Variants in LRRD1 observed in about 807,000 individuals in gnomAD.
LRRD1 encodes leucine-rich repeat and death domain-containing protein 1.
LRRD1 carries 49 observed loss-of-function variants against 69.5 expected under a neutral mutation model. That is an observed-to-expected ratio of 0.70 (90% CI 0.56 to 0.89). The LOEUF (loss-of-function observed/expected upper bound fraction) is 0.89. Ranked by LOEUF, LRRD1 falls within the 40% of genes least tolerant of loss-of-function variation. LRRD1 has a pLI of 0.00. For missense variants in LRRD1, 853 were observed against 956.0 expected, an observed-to-expected ratio of 0.89 and a Z score of 1.42; for synonymous variants, 303 against 338.9, an observed-to-expected ratio of 0.89 and a Z score of 1.16.
At chr7:92,172,272 A>C (rs1789073460) in intron 1 of LRRD1, among the ~76,000 whole-genome samples, 1 of 152,256 alleles carries the variant, frequency 6.6e-6, no homozygotes, top group Admixed American at 6.5e-5. Context: ...ATTTCCTCTA[A>C]GATCTGGAAC....
At chr7:92,171,973 A>G (rs1188985284) in intron 1 of LRRD1, among the ~76,000 whole-genome samples, 1 of 152,206 alleles carries the variant, frequency 6.6e-6, no homozygotes, top group Non-Finnish European at 1.5e-5. Flanking sequence ...TCAACATCCC[A>G]AATTAGCTGG....
In LRRD1 at chr7:92,159,183, C is replaced by T; in HGVS notation, c.1938G>A (p.Glu646=). 6.6e-7 allele frequency: 1 copy of T among 1,516,066 alleles called. No individual in the cohort carries two copies. The highest frequency in any genetic ancestry group is 8.8e-7 in the Non-Finnish European group (1 of 1,133,968). The allele number at this position is 1,516,066 out of a possible 1,614,324, so 93.9% of individuals were successfully genotyped here. ...KGRKLTRLPG[E]LSNMTQLKEL... ...CTTTAAGTTGAGTCATATTAGATAGCTCTCCTGGAAGTCTTGTTAGCTGTA... is the reference window on the plus strand; with the variant it reads ...CTTTAAGTTGAGTCATATTAGATAGTTCTCCTGGAAGTCTTGTTAGCTGTA... The change falls in exon 3 of 6, where the codon GAG becomes GAA. Residue 646 remains glutamate, a synonymous_variant. Coordinates refer to ENST00000458448, the MANE Select transcript of LRRD1 (RefSeq NM_001161528.2).
rs373219781 is a variant in LRRD1, at chr7:92,146,413, T to C, written c.2279-213A>G. ...CAGGTGGATCACCTGAGATCAGGAG[T>C]TCAAGACCAGCCTGGCCAACATGCA... On this transcript the variant is annotated intron_variant, in intron 4 of 5. Transcript: ENST00000458448. Among the ~76,000 whole-genome samples the C allele has an allele frequency of 2.0e-4, 30 of 148,234 alleles. No individual in the cohort carries two copies. In the East Asian group the frequency reaches 4.5e-3, roughly 22 times the overall value.
intron 2 of LRRD1, among the ~76,000 whole-genome samples, chr7:92,162,411 A>G (rs1416643325): frequency 6.6e-6 from 1 of 152,088 alleles, no homozygotes; most frequent in Non-Finnish European, 1.5e-5. Flanking sequence ...TAGGGCTTTT[A>G]GGAGTAGACT....
intron 1 of LRRD1, among the ~76,000 whole-genome samples, chr7:92,168,139 C>A (rs1451402920): frequency 6.6e-6 from 1 of 152,084 alleles, no homozygotes; most frequent in African/African-American, 2.4e-5. Context: ...TGAAAAAATT[C>A]TAAGCAGACA....
At chr7:92,148,536 T>G (rs1445791314) in intron 4 of LRRD1, among the ~76,000 whole-genome samples, 1 of 152,194 alleles carries the variant, frequency 6.6e-6, no homozygotes, top group Non-Finnish European at 1.5e-5. Flanking sequence ...AGGCTCCATT[T>G]GTTAATTGCA....
Position 92,163,425 on chromosome 7 carries a change from T to C in LRRD1, c.1778A>G (p.Lys593Arg). 6.5e-7 allele frequency: 1 copy of C among 1,546,810 alleles called. No individual in the cohort carries two copies. The highest frequency in any genetic ancestry group is 8.7e-7 in the Non-Finnish European group (1 of 1,145,660). ...VLDLSENQLQ[K>R]ISSDICNLKG... The stretch of plus-strand genomic sequence containing the variant: ...TAAATTACAGATGTCTGAAGAGATT[T>C]TCTGTAATTGGTTTTCCGAAAGATC... Residue 593 changes from lysine to arginine, a missense_variant, in exon 2 of 6, where the codon AAA (lysine) becomes AGA (arginine). By Grantham distance (26) the Lys-to-Arg change is conservative. Transcript: ENST00000458448.
chr7:92,168,627 A>G lies in LRRD1; in HGVS notation c.-74-3351T>C, dbSNP rs541090074. Among the ~76,000 whole-genome samples, 12 of 151,262 alleles carry G rather than the reference A, an allele frequency of 7.9e-5. No individual in the cohort carries two copies. In the East Asian group the frequency reaches 2.4e-3, roughly 30 times the overall value. On this transcript the variant is annotated intron_variant, in intron 1 of 5. Coordinates refer to ENST00000458448, the MANE Select transcript of LRRD1 (RefSeq NM_001161528.2). Reference sequence around the variant, plus strand: ...GGCAAACCTAGGCTTAAGGTTCTATATAGTGCTGCAAAGGATGTAATGACT... The same window carrying G: ...GGCAAACCTAGGCTTAAGGTTCTATGTAGTGCTGCAAAGGATGTAATGACT...
downstream of LRRD1, among the ~76,000 whole-genome samples, chr7:92,143,839 C>A (rs1820240832): frequency 6.6e-6 from 1 of 152,234 alleles, no homozygotes; most frequent in Non-Finnish European, 1.5e-5. Context: ...AGAGGAGGCG[C>A]CGAGAGCGAG....
chr7:92,178,846 T>G (rs565214790), intron 1 of LRRD1, 161 bp downstream of exon 1: 2 of 152,332 alleles, frequency 1.3e-5, no homozygotes, highest in African/African-American at 2.4e-5. Flanking sequence ...TTTCATGTCT[T>G]GCAGCATCAA....
chr7:92,165,920 C>T (rs1788899107), intron 1 of LRRD1, among the ~76,000 whole-genome samples: 1 of 148,882 alleles, frequency 6.7e-6, no homozygotes, highest in African/African-American at 2.5e-5. Flanking sequence ...CCTACCATGA[C>T]AGGTAAAGAG....
chr7:92,177,419 T>C (rs1789222176), intron 1 of LRRD1, among the ~76,000 whole-genome samples: 1 of 152,204 alleles, frequency 6.6e-6, no homozygotes, highest in Non-Finnish European at 1.5e-5. Context: ...TCAGATTTTC[T>C]TCTTCTTCTT....
chr7:92,159,070 T>A lies in LRRD1; in HGVS notation c.2051A>T (p.Asn684Ile), dbSNP rs1379526291. 7.8e-6 allele frequency: 12 copies of A among 1,547,280 alleles called. No individual in the cohort carries two copies. Residue 684 changes from asparagine to isoleucine, a missense_variant, in exon 3 of 6, where the codon AAT (asparagine) becomes ATT (isoleucine). Transcript: ENST00000458448. Reference protein sequence around the residue: ...RNLVSLHAYNNQISYLPPSLL... With the variant: ...RNLVSLHAYNIQISYLPPSLL... The stretch of plus-strand genomic sequence containing the variant: ...AGATGGTGGAAGATAACTTATTTGA[T>A]TATTGTATGCATGTAAACTAACCAA...
chr7:92,147,627 T>C (rs370445543), intron 4 of LRRD1, among the ~76,000 whole-genome samples: 2 of 152,220 alleles, frequency 1.3e-5, no homozygotes, highest in African/African-American at 2.4e-5. Flanking sequence ...TTCAAGTCAA[T>C]TATTTAATAA....
intron 4 of LRRD1, among the ~76,000 whole-genome samples, chr7:92,149,628 A>G (rs1372401838): frequency 6.6e-6 from 1 of 152,204 alleles, no homozygotes; most frequent in Non-Finnish European, 1.5e-5. Flanking sequence ...AATATTTCAG[A>G]CAGATGGTCA....
intron 4 of LRRD1, among the ~76,000 whole-genome samples, chr7:92,148,558 C>A (rs1326279813): frequency 6.6e-6 from 1 of 152,034 alleles, no homozygotes; most frequent in African/African-American, 2.4e-5. Flanking sequence ...ATAAATACAT[C>A]TCCCATACTG....
chr7:92,165,652 G>A (rs982951500), intron 1 of LRRD1, among the ~76,000 whole-genome samples: 3 of 152,040 alleles, frequency 2.0e-5, no homozygotes. Flanking sequence ...TTTAGGTCAG[G>A]AGTTGGAGAC....
rs771163024 is a variant in LRRD1 at position 92,163,925 on chromosome 7, G to A, written c.1278C>T (p.Asn426=). 3.3e-6 allele frequency: 5 copies of A among 1,535,394 alleles called. No homozygotes were observed. Among genetic ancestry groups the A allele is most frequent in the Non-Finnish European group, 4.4e-6 (5 of 1,141,034 alleles). ...KLNNLRKLHV[N]RNNMVKITDC... is the part of the protein sequence containing the mutation. ...CAGTTATTTTTACCATATTATTTCT[G>A]TTTACATGGAGTTTTCTTAAATTGT... Residue 426 remains asparagine (N), a synonymous_variant, in exon 2 of 6, where the codon AAC becomes AAT. Transcript: ENST00000458448.
At chr7:92,158,235 A>G (rs992643002) in intron 3 of LRRD1, among the ~76,000 whole-genome samples, 1 of 152,028 alleles carries the variant, frequency 6.6e-6, no homozygotes, top group African/African-American at 2.4e-5. Flanking sequence ...CACCCCTATA[A>G]TCCCAGCACT....
Sources: gnomAD v4.1 joint callset for allele counts (sites outside exome capture counted in the v4.1 genomes callset) on GRCh38, gnomAD v4.1.1 for gene constraint, MANE v1.5 for transcripts, NCBI Gene and HGNC (gene_info 2026-07-23, HGNC 2026-07-21) for gene names.